CSPG5: variants seen among roughly 807,000 people sequenced by gnomAD.
CSPG5 encodes the protein chondroitin sulfate proteoglycan 5, also known as acidic leucine-rich EGF-like domain-containing brain protein.
In CSPG5, 25 loss-of-function variants were observed where a neutral mutation model predicts 39.8. That is an observed-to-expected ratio of 0.63 (90% confidence interval 0.46 to 0.88). The LOEUF is 0.88. Ranked by LOEUF, CSPG5 falls within the 40% of genes least tolerant of loss-of-function variation. The probability of loss-of-function intolerance (pLI) is 0.00; values close to 1 mark genes in which losing one functional copy is unlikely to be tolerated. For synonymous variants in CSPG5, 295 were observed against 303.9 expected (o/e 0.97, Z 0.31); for missense variants, 627 against 702.2 (o/e 0.89, Z 1.21).
At chr3:47,564,452 A>G (rs1052122864) in intron 4 of CSPG5, among the ~76,000 whole-genome samples, 14 of 152,216 alleles carry the variant, frequency 9.2e-5, no homozygotes, top group Non-Finnish European at 7.3e-5. Context: ...CAGATTAAGG[A>G]GGACAATTTA....
rs553328935 is a variant in CSPG5, at chr3:47,578,853, G to C, written c.-160C>G. 1.0e-3 allele frequency: 154 copies of C among 148,312 alleles called. 2 individuals are homozygous for C. In the Middle Eastern group the frequency reaches 0.014, roughly 13 times the overall value. 9.2% of individuals were successfully genotyped at this position (148,312 alleles called of 1,614,324 possible). On this transcript the variant is annotated 5_prime_UTR_variant, in exon 1 of 5. Coordinates refer to ENST00000264723, the MANE Select transcript of CSPG5 (RefSeq NM_006574.4). The surrounding 1 kb of genome is among the most constrained non-coding windows in gnomAD (Gnocchi z 6.0). ...CCGCCGCCGTCCGCCGCTGTCCCCG[G>C]CGCGCCGCGCCTCCCCGCCTCCCGC...
chr3:47,568,963 G>C (rs2031413951), intron 4 of CSPG5, 189 bp downstream of exon 4: 2 of 1,060,834 alleles, frequency 1.9e-6, no homozygotes, highest in Non-Finnish European at 2.6e-6. Context: ...AGTTGCCCTA[G>C]GCTGACCTCC....
chr3:47,563,189 A>G (rs540928320), intron 4 of CSPG5, among the ~76,000 whole-genome samples: 1 of 152,266 alleles, frequency 6.6e-6, no homozygotes, highest in East Asian at 1.9e-4. Context: ...AACATGTCTC[A>G]TCAGTGTATA....
rs774415756 is a variant in CSPG5, at chr3:47,572,693, T to C, written c.1375A>G (p.Arg459Gly). The C allele has an allele frequency of 1.9e-6, 3 of 1,613,990 alleles. No individual in the cohort carries two copies. The highest frequency in any genetic ancestry group is 2.5e-6 in the Non-Finnish European group (3 of 1,179,888). The part of the protein sequence containing the change: ...LLKTENTKLR[R>G]TNKFRTPSEL... ...TGAGTGACACAGACTCACTTGGTCC[T>C]ACGCAGCTTGGTATTCTCCGTCTTG... Residue 459 changes from arginine to glycine, a missense_variant, in exon 3 of 5, where the codon AGG becomes GGG. Transcript: ENST00000264723. The surrounding 1 kb of genome is among the most constrained non-coding windows in gnomAD (Gnocchi z 4.5).
chr3:47,577,253 G>T lies in CSPG5; in HGVS notation c.773C>A (p.Thr258Asn). The T allele has an allele frequency of 6.2e-7, 1 of 1,611,652 alleles. No individual in the cohort carries two copies. Among genetic ancestry groups the T allele is most frequent in the African/African-American group, 1.3e-5 (1 of 75,004 alleles). ...WSLLDLYDDF[T>N]PFDESDFYPT... ...GTAGAAATCAGATTCATCGAAGGGG[G>T]TGAAATCATCGTATAAGTCAAGCAG... The change falls in exon 2 of 5, where the codon ACC becomes AAC. Residue 258 changes from threonine (T) to asparagine (N), a missense_variant. By Grantham distance (65) the Thr-to-Asn change is moderately conservative (BLOSUM62 0). Coordinates refer to ENST00000264723, the MANE Select transcript of CSPG5 (RefSeq NM_006574.4). This position sits in a 1 kb window ranked among gnomAD's most constrained non-coding sequence, Gnocchi z 4.7.
intron 4 of CSPG5, among the ~76,000 whole-genome samples, chr3:47,564,391 A>G (rs2031209916): frequency 6.6e-6 from 1 of 152,216 alleles, no homozygotes; most frequent in South Asian, 2.1e-4. Flanking sequence ...TATGGAAATC[A>G]CTGCCAGCTG....
Position 47,572,586 on chromosome 3 carries a change from C to T in CSPG5, c.1382+100G>A. 2.9e-6 allele frequency: 3 copies of T among 1,018,374 alleles called. No individual in the cohort carries two copies. Among genetic ancestry groups the T allele is most frequent in the Non-Finnish European group, 4.5e-6 (3 of 671,080 alleles). The allele number at this position is 1,018,374 out of a possible 1,614,324, so 63.1% of individuals were successfully genotyped here. A position where few individuals can be genotyped will look rare whatever the true frequency, so the allele number is the denominator to read the frequency against. On this transcript the variant is annotated intron_variant, in intron 3 of 4. Coordinates refer to ENST00000264723, the MANE Select transcript of CSPG5 (RefSeq NM_006574.4). This position sits in a 1 kb window ranked among gnomAD's most constrained non-coding sequence, Gnocchi z 4.5. Reference sequence around the variant, plus strand: ...GGGAATGGAGCACAGGTGCCAGAAACCCTCACGACAAAGTCCCTGGATCAG... The same window carrying T: ...GGGAATGGAGCACAGGTGCCAGAAATCCTCACGACAAAGTCCCTGGATCAG...
intron 2 of CSPG5, among the ~76,000 whole-genome samples, chr3:47,573,890 G>A (rs972542875): frequency 6.6e-6 from 1 of 152,222 alleles, no homozygotes; most frequent in East Asian, 1.9e-4. Flanking sequence ...CCTGTAAGTG[G>A]GGCCTCTACC....
rs763952914 is a variant in CSPG5 at position 47,577,128 on chromosome 3, G to A, written c.898C>T (p.Leu300Phe). The change falls in exon 2 of 5, where the codon CTT becomes TTT. Residue 300 changes from leucine to phenylalanine, a missense_variant. Coordinates refer to ENST00000264723, the MANE Select transcript of CSPG5 (RefSeq NM_006574.4). This position sits in a 1 kb window ranked among gnomAD's most constrained non-coding sequence, Gnocchi z 4.7. ...CCAGGCTTCCCAGTGGGCACTAGAAGCTCATTTTCATCTTCTAGGTCTCCA... is the reference window on the plus strand; with the variant it reads ...CCAGGCTTCCCAGTGGGCACTAGAAACTCATTTTCATCTTCTAGGTCTCCA... ...GGGDLEDENE[L>F]LVPTGKPGLG... is the part of the protein sequence containing the mutation. The A allele has an allele frequency of 1.9e-6, 3 of 1,613,800 alleles. No individual in the cohort carries two copies. The highest frequency in any genetic ancestry group is 3.3e-5 in the Admixed American group (2 of 60,006).
Position 47,578,103 on chromosome 3 carries a change from C to T in CSPG5, c.98-175G>A. On this transcript the variant is annotated intron_variant, in intron 1 of 4. Transcript: ENST00000264723. This position sits in a 1 kb window ranked among gnomAD's most constrained non-coding sequence, Gnocchi z 6.0. ...CCACCCGGTACCTCTAAGCCCCGTC[C>T]CGGAGTCTGCCCCCAAGACGAGGAT... 1 of 991,196 alleles carries T rather than the reference C, an allele frequency of 1.0e-6. No homozygotes were observed. The highest frequency in any genetic ancestry group is 1.3e-6 in the Non-Finnish European group (1 of 759,858). The allele number at this position is 991,196 out of a possible 1,614,324, so 61.4% of individuals were successfully genotyped here. A position where few individuals can be genotyped will look rare whatever the true frequency, so the allele number is the denominator to read the frequency against.
At chr3:47,566,919 G>A (rs188493536) in intron 4 of CSPG5, among the ~76,000 whole-genome samples, 5 of 152,224 alleles carry the variant, frequency 3.3e-5, no homozygotes, top group South Asian at 2.1e-4. Context: ...CCACCCTCCC[G>A]TGGCTGACCA....
chr3:47,573,920 C>T (rs2031613089), intron 2 of CSPG5, among the ~76,000 whole-genome samples: 1 of 152,246 alleles, frequency 6.6e-6, no homozygotes, highest in African/African-American at 2.4e-5. Flanking sequence ...TAGAGAAGTT[C>T]CGCCACAGCT....
intron 4 of CSPG5, among the ~76,000 whole-genome samples, chr3:47,563,995 T>C (rs1391918486): frequency 6.6e-6 from 1 of 152,232 alleles, no homozygotes; most frequent in Non-Finnish European, 1.5e-5. Context: ...ATATACCCAG[T>C]GCAATTCAGT....
Position 47,576,945 on chromosome 3 carries a change from T to C in CSPG5, c.1081A>G (p.Ser361Gly), listed in dbSNP as rs781045312. 3.7e-6 allele frequency: 6 copies of C among 1,613,640 alleles called. No individual in the cohort carries two copies. Among genetic ancestry groups the C allele is most frequent in the South Asian group, 1.1e-5 (1 of 91,026 alleles). ...GAGCCGTTATGCCGCACAAAGCCAC[T>C]GCGGCACTCAGTGCCATTTTCACTG... Reference protein sequence around the residue: ...ASSENGTECRSGFVRHNGSCR... With the variant: ...ASSENGTECRGGFVRHNGSCR... The change falls in exon 2 of 5, where the codon AGT (serine) becomes GGT (glycine). Residue 361 changes from serine to glycine, a missense_variant. Physicochemically the swap from Ser to Gly is moderately conservative, Grantham distance 56 (BLOSUM62 0). Coordinates refer to ENST00000264723, the MANE Select transcript of CSPG5 (RefSeq NM_006574.4).
rs949494411 is a variant in CSPG5 at position 47,572,629 on chromosome 3, C to T, written c.1382+57G>A. ...TGGATCAGTTGGAGGGGTGCAGCAG[C>T]GTCGGGGGGCCTCCCACACCCTGAC... On this transcript the variant is annotated intron_variant, in intron 3 of 4. Transcript: ENST00000264723. The surrounding 1 kb of genome is among the most constrained non-coding windows in gnomAD (Gnocchi z 4.5). 4.4e-5 allele frequency: 64 copies of T among 1,467,906 alleles called. No individual in the cohort carries two copies. In the African/African-American group the frequency reaches 6.1e-4, roughly 14 times the overall value. 90.9% of individuals were successfully genotyped at this position (1,467,906 alleles called of 1,614,324 possible). A position where few individuals can be genotyped will look rare whatever the true frequency, so the allele number is the denominator to read the frequency against.
At chr3:47,563,557 T>G (rs942336390) in intron 4 of CSPG5, among the ~76,000 whole-genome samples, 2 of 152,282 alleles carry the variant, frequency 1.3e-5, no homozygotes, top group Non-Finnish European at 2.9e-5. Context: ...ATTGATGTAT[T>G]TATTTATTTA....
chr3:47,570,627 C>A (rs1460190818), intron 3 of CSPG5, among the ~76,000 whole-genome samples: 1 of 151,788 alleles, frequency 6.6e-6, no homozygotes, highest in East Asian at 1.9e-4. Flanking sequence ...TCTGGCTCAG[C>A]CTCCCGAGTA....
chr3:47,572,753 T>C lies in CSPG5; in HGVS notation c.1315A>G (p.Met439Val), dbSNP rs917425456. ...AALVLLLLFM[M>V]TVFFAKKLYL... The stretch of plus-strand genomic sequence containing the variant: ...AGCTTCTTGGCAAAGAACACCGTCA[T>C]CATGAAGAGCAGGAGCAGGACGAGG... Residue 439 changes from methionine (M) to valine (V), a missense_variant, in exon 3 of 5, where the codon ATG (methionine) becomes GTG (valine). Transcript: ENST00000264723. This position sits in a 1 kb window ranked among gnomAD's most constrained non-coding sequence, Gnocchi z 4.5. 1.9e-6 allele frequency: 3 copies of C among 1,614,108 alleles called. No homozygotes were observed. The highest frequency in any genetic ancestry group is 2.5e-6 in the Non-Finnish European group (3 of 1,180,032).
rs377714163 is a variant in CSPG5, at chr3:47,562,640, G to A, written c.1580C>T (p.Ala527Val). Residue 527 changes from alanine to valine, a missense_variant, in exon 5 of 5, where the codon GCT becomes GTT. By Grantham distance (64) the Ala-to-Val change is moderately conservative (BLOSUM62 0). Coordinates refer to ENST00000264723, the MANE Select transcript of CSPG5 (RefSeq NM_006574.4). ...CTGAAGACAGTTCACATCCAAGTCA[G>A]CCTGGTCACCTTTGCCACCCTCAAG... Reference protein sequence around the residue: ...PKLEGGKGDQADLDVNCLQNN... With the variant: ...PKLEGGKGDQVDLDVNCLQNN... 1 of 1,613,690 alleles carries A rather than the reference G, an allele frequency of 6.2e-7. No individual in the cohort carries two copies. The highest frequency in any genetic ancestry group is 8.5e-7 in the Non-Finnish European group (1 of 1,179,986).
Sources: gnomAD v4.1 joint callset for allele counts (sites outside exome capture counted in the v4.1 genomes callset) on GRCh38, gnomAD v4.1.1 for gene constraint, Gnocchi (gnomAD v3.1) non-coding constraint, MANE v1.5 for transcripts, NCBI Gene and HGNC (gene_info 2026-07-23, HGNC 2026-07-21) for gene names.